The following AIG1 variants were observed in gnomAD, a reference collection of about 807,000 sequenced individuals.
AIG1 encodes androgen-induced gene 1 protein.
A neutral mutation model predicts 31.4 loss-of-function variants in AIG1; 23 were observed. The observed-to-expected ratio is 0.73, with a 90% CI of 0.53 to 1.04. The LOEUF (loss-of-function observed/expected upper bound fraction) is 1.04, where lower values mean the gene tolerates loss of function less well. Among genes scored for constraint, AIG1 ranks in the 50% least tolerant of loss-of-function variants. The probability of loss-of-function intolerance (pLI) is 0.00; values close to 1 mark genes in which losing one functional copy is unlikely to be tolerated. For synonymous variants in AIG1, 100 were observed against 110.5 expected (o/e 0.90, Z 0.60); for missense variants, 274 against 295.0 (o/e 0.93, Z 0.52).
intron 3 of AIG1, among the ~76,000 whole-genome samples, chr6:143,282,843 A>G (rs1168417389): frequency 1.3e-5 from 2 of 152,260 alleles, no homozygotes; most frequent in African/African-American, 4.8e-5. Flanking sequence ...TTGCCTGCCA[A>G]GGCCTACTTG....
At chr6:143,138,771 T>G (rs1249863941) in intron 2 of AIG1, among the ~76,000 whole-genome samples, 1 of 151,874 alleles carries the variant, frequency 6.6e-6, no homozygotes, top group Non-Finnish European at 1.5e-5. Flanking sequence ...TGGGCTCCTT[T>G]AGTCCCAGCT....
At chr6:143,251,680 G>C (rs1451987123) in intron 3 of AIG1, among the ~76,000 whole-genome samples, 1 of 152,116 alleles carries the variant, frequency 6.6e-6, no homozygotes, top group Non-Finnish European at 1.5e-5. Context: ...TGTTTACCTA[G>C]ATTCCTCTGG....
chr6:143,128,044 A>G lies in AIG1; in HGVS notation c.142-8791A>G, dbSNP rs17590908. Among the ~76,000 whole-genome samples, 449 of 152,266 alleles carry G rather than the reference A, an allele frequency of 2.9e-3. 14 individuals are homozygous for G. In the East Asian group the frequency reaches 0.054, roughly 18 times the overall value. ...GATGTAATGGGATGAAATAAAAGCA[A>G]TTCTGGATAAATTATATATGTTTTA... On this transcript the variant is annotated intron_variant, in intron 1 of 5. Transcript: ENST00000357847.
chr6:143,061,235 C>G (rs760413870), intron 1 of AIG1, 169 bp downstream of exon 1: 1 of 852,320 alleles, frequency 1.2e-6, no homozygotes, highest in South Asian at 1.4e-5. Flanking sequence ...GAAGGCCTGG[C>G]TGCCCCCGCA....
At chr6:143,199,128 A>G (rs542700595) in intron 3 of AIG1, among the ~76,000 whole-genome samples, 4 of 152,340 alleles carry the variant, frequency 2.6e-5, no homozygotes, top group Admixed American at 2.0e-4. Flanking sequence ...AATTGCTTTA[A>G]AATAAGCTAT....
chr6:143,068,259 G>A (rs1490876607), intron 1 of AIG1, among the ~76,000 whole-genome samples: 1 of 152,188 alleles, frequency 6.6e-6, no homozygotes, highest in African/African-American at 2.4e-5. Flanking sequence ...TGTTTCTGGG[G>A]GAAGCAAGAA....
chr6:143,292,465 AG>A lies in AIG1; in HGVS notation c.515+8244del, dbSNP rs1206365334. ...CGTCACTGGCTTTGAAGACAGAGGAAGGGGCTGTGAGCACGGAACAAGGGCC... is the reference window on the plus strand; with the variant it reads ...CGTCACTGGCTTTGAAGACAGAGGAAGGGCTGTGAGCACGGAACAAGGGCC... On this transcript the variant is annotated intron_variant, in intron 4 of 5. Coordinates refer to ENST00000357847, the MANE Select transcript of AIG1 (RefSeq NM_016108.4). This position sits in a 1 kb window ranked among gnomAD's most constrained non-coding sequence, Gnocchi z 4.9. 1.3e-5 allele frequency among the ~76,000 whole-genome samples: 2 copies of A among 152,182 alleles called. No homozygotes were observed. The highest frequency in any genetic ancestry group is 2.9e-5 in the Non-Finnish European group (2 of 68,028).
At chr6:143,245,982 A>G (rs150182253) in intron 3 of AIG1, among the ~76,000 whole-genome samples, 1 of 152,308 alleles carries the variant, frequency 6.6e-6, no homozygotes, top group Non-Finnish European at 1.5e-5. Flanking sequence ...CGCACATAAA[A>G]TACACTAACA....
At chr6:143,084,448 C>T (rs1778580921) in intron 1 of AIG1, among the ~76,000 whole-genome samples, 1 of 152,176 alleles carries the variant, frequency 6.6e-6, no homozygotes, top group Non-Finnish European at 1.5e-5. Context: ...GTCTGCTTGC[C>T]TGAGGGCCAT....
chr6:143,290,855 G>T (rs1254071368), intron 4 of AIG1, among the ~76,000 whole-genome samples: 3 of 152,088 alleles, frequency 2.0e-5, no homozygotes, highest in Admixed American at 6.5e-5. Context: ...CTTTCTTGGG[G>T]CTTACAAGAG....
chr6:143,140,248 G>A (rs1053062375), intron 2 of AIG1, among the ~76,000 whole-genome samples: 2 of 152,120 alleles, frequency 1.3e-5, no homozygotes, highest in Non-Finnish European at 2.9e-5. Flanking sequence ...TCCCTCCCAC[G>A]ACACACAGAG....
intron 3 of AIG1, among the ~76,000 whole-genome samples, chr6:143,197,219 T>C (rs1790316799): frequency 2.0e-5 from 3 of 152,160 alleles, no homozygotes; most frequent in South Asian, 2.1e-4. Flanking sequence ...AAGGCTTTAC[T>C]CTTTTTCTAA....
intron 1 of AIG1, among the ~76,000 whole-genome samples, chr6:143,062,032 A>G (rs893795744): frequency 2.0e-5 from 3 of 152,216 alleles, no homozygotes; most frequent in African/African-American, 4.8e-5. Flanking sequence ...GACTCCCTGA[A>G]CTGTTTATCC....
rs77109092 is a variant in AIG1, at chr6:143,121,204, T to C, written c.142-15631T>C. Among the ~76,000 whole-genome samples the C allele has an allele frequency of 1.8e-3, 277 of 152,342 alleles. 2 individuals are homozygous for C. Among genetic ancestry groups the C allele is most frequent in the African/African-American group, 6.5e-3 (269 of 41,578 alleles). ...TGATTTCCCATTCCACACCTCTGTA[T>C]TTCTGTGTGTGTGTCTTTAATTCCT... On this transcript the variant is annotated intron_variant, in intron 1 of 5. Coordinates refer to ENST00000357847, the MANE Select transcript of AIG1 (RefSeq NM_016108.4).
At chr6:143,171,488 A>T (rs1236886228) in intron 3 of AIG1, among the ~76,000 whole-genome samples, 22 of 120,782 alleles carry the variant, frequency 1.8e-4, no homozygotes, top group Admixed American at 5.8e-4. Flanking sequence ...ATATATATTA[A>T]ATATATAATA....
intron 3 of AIG1, chr6:143,188,224 G>A (rs2128593555): frequency 7.1e-6 from 7 of 989,990 alleles, no homozygotes; most frequent in Non-Finnish European, 8.4e-6. Context: ...GACTCTAGGA[G>A]AGGGGCGTTT....
intron 3 of AIG1, among the ~76,000 whole-genome samples, chr6:143,272,338 ATGT>A (rs888755787): frequency 2.2e-4 from 34 of 152,326 alleles, no homozygotes; most frequent in African/African-American, 7.7e-4. Context: ...CACACAAAGT[ATGT>A]TGTTATCCAG....
At chr6:143,193,464 T>C (rs540648762) in intron 3 of AIG1, among the ~76,000 whole-genome samples, 2 of 152,372 alleles carry the variant, frequency 1.3e-5, no homozygotes, top group South Asian at 4.1e-4. Context: ...AATAGACTTC[T>C]GTGGTGTAAA....
chr6:143,165,924 A>G (rs1786892332), intron 3 of AIG1, among the ~76,000 whole-genome samples: 1 of 152,136 alleles, frequency 6.6e-6, no homozygotes, highest in South Asian at 2.1e-4. Context: ...ATTGAGCACT[A>G]CTTTGTTATT....
Sources: allele counts gnomAD v4.1 joint callset (sites outside exome capture counted in the v4.1 genomes callset), GRCh38; gene constraint gnomAD v4.1.1; non-coding constraint Gnocchi (gnomAD v3.1); transcripts MANE v1.5; gene names NCBI Gene and HGNC (gene_info 2026-07-23, HGNC 2026-07-21).